M1AP: variants seen among roughly 807,000 people sequenced by gnomAD.
The protein encoded by M1AP is meiosis 1 associated protein, also known as meiosis 1 arrest protein.
In M1AP, 39 loss-of-function variants were observed where a neutral mutation model predicts 51.2. The observed-to-expected ratio is 0.76, with a 90% CI of 0.59 to 1.00. M1AP has a LOEUF of 1.00. Among genes scored for constraint, M1AP ranks in the 50% least tolerant of loss-of-function variants. The probability of loss-of-function intolerance (pLI) is 0.00; values close to 1 mark genes in which losing one functional copy is unlikely to be tolerated. For synonymous variants in M1AP, 251 were observed against 249.2 expected, an observed-to-expected ratio of 1.01 and a Z score of -0.07; for missense variants, 545 against 641.2, an observed-to-expected ratio of 0.85 and a Z score of 1.62.
intron 4 of M1AP, among the ~76,000 whole-genome samples, chr2:74,587,835 T>C (rs1214166438): frequency 6.6e-6 from 1 of 152,206 alleles, no homozygotes; most frequent in African/African-American, 2.4e-5. Flanking sequence ...AGCATTCACA[T>C]TGTTTTTGAA....
intron 4 of M1AP, among the ~76,000 whole-genome samples, chr2:74,585,415 G>A (rs188272856): frequency 6.6e-6 from 1 of 152,252 alleles, no homozygotes; most frequent in East Asian, 1.9e-4. Context: ...TGTTTTGCTG[G>A]CAAAATTAAC....
intron 7 of M1AP, among the ~76,000 whole-genome samples, chr2:74,565,968 T>C (rs370629167): frequency 1.4e-4 from 22 of 151,944 alleles, no homozygotes; most frequent in South Asian, 6.2e-4. Flanking sequence ...TATAAAAAAA[T>C]CCACAGCTAA....
chr2:74,647,341 G>A lies in M1AP; in HGVS notation c.-53+924C>T, dbSNP rs1183741893. The A allele has an allele frequency of 5.1e-6, 5 of 985,232 alleles. No individual in the cohort carries two copies. The African/African-American group carries it at 7.0e-5, about 14-fold the overall frequency. 61.0% of individuals were successfully genotyped at this position (985,232 alleles called of 1,614,324 possible). A position where few individuals can be genotyped will look rare whatever the true frequency, so the allele number is the denominator to read the frequency against. ...GTTCTGTTCCGTGCTGAGCATTCTA[G>A]GTTAGGGCCCCTTTACAAGCCCTCA... On this transcript the variant is annotated intron_variant, in intron 1 of 10. Transcript: ENST00000421985.
chr2:74,616,717 A>G (rs1380189833), intron 2 of M1AP, among the ~76,000 whole-genome samples: 2 of 152,220 alleles, frequency 1.3e-5, no homozygotes, highest in Admixed American at 6.5e-5. Flanking sequence ...TTCATATACA[A>G]TTTATTAAAA....
intron 2 of M1AP, among the ~76,000 whole-genome samples, chr2:74,634,885 A>G (rs1021054642): frequency 2.6e-5 from 4 of 152,016 alleles, no homozygotes; most frequent in African/African-American, 9.7e-5. Flanking sequence ...GCTGAATTCT[A>G]TTTTTTAATA....
At position 74,640,174 on chromosome 2, in the gene M1AP, C is replaced by T; in HGVS notation, c.102G>A (p.Trp34Ter). ...LLIVHIALPSWADICTNLCEA... is the reference protein window; with the variant it reads ...LLIVHIALPS ...CACAGAGGTTGGTGCAGATGTCAGC[C>T]CAGGACGGTAGAGCAATGTGCACAA... Residue 34 changes from tryptophan to a stop codon, truncating the protein, a stop_gained, in exon 2 of 11, where the codon TGG becomes TGA. Transcript: ENST00000421985. LOFTEE classifies it high-confidence loss of function. 4 of 1,614,076 alleles carry T rather than the reference C, an allele frequency of 2.5e-6. No homozygotes were observed. Among genetic ancestry groups the T allele is most frequent in the Non-Finnish European group, 3.4e-6 (4 of 1,180,020 alleles).
At chr2:74,632,938 T>G (rs943717743) in intron 2 of M1AP, among the ~76,000 whole-genome samples, 1 of 152,086 alleles carries the variant, frequency 6.6e-6, no homozygotes, top group East Asian at 1.9e-4. Flanking sequence ...AAAAAATCCT[T>G]TTACCCTTGT....
chr2:74,581,648 C>T, intron 5 of M1AP, 26 bp downstream of exon 5: 3 of 1,605,052 alleles, frequency 1.9e-6, no homozygotes, highest in African/African-American at 1.3e-5. Flanking sequence ...TAATCATAGC[C>T]TAAATATCTT....
intron 4 of M1AP, among the ~76,000 whole-genome samples, chr2:74,604,556 G>A (rs1680859238): frequency 6.6e-6 from 1 of 152,150 alleles, no homozygotes; most frequent in African/African-American, 2.4e-5. Context: ...GACAGGAGGT[G>A]GAGCTCAGGC....
chr2:74,638,493 T>C (rs920071363), intron 2 of M1AP, among the ~76,000 whole-genome samples: 1 of 152,192 alleles, frequency 6.6e-6, no homozygotes. Context: ...TTGCTTCCAA[T>C]GAACAGAATG....
At chr2:74,597,053 C>T (rs992228661) in intron 4 of M1AP, among the ~76,000 whole-genome samples, 1 of 152,062 alleles carries the variant, frequency 6.6e-6, no homozygotes, top group Non-Finnish European at 1.5e-5. Flanking sequence ...GCATATACAT[C>T]GGTCAAAATT....
At chr2:74,614,189 T>C (rs1681530185) in intron 3 of M1AP, among the ~76,000 whole-genome samples, 1 of 152,216 alleles carries the variant, frequency 6.6e-6, no homozygotes, top group Non-Finnish European at 1.5e-5. Flanking sequence ...TTCCAGTATG[T>C]TGTGATTCTC....
chr2:74,623,664 T>C (rs1000536340), intron 2 of M1AP, among the ~76,000 whole-genome samples: 5 of 152,220 alleles, frequency 3.3e-5, no homozygotes, highest in Non-Finnish European at 5.9e-5. Flanking sequence ...TTATGTTTTA[T>C]TTAATTAAAC....
rs188332674 is a variant in M1AP at position 74,564,294 on chromosome 2, C to T, written c.1075-1871G>A. ...AGCAGTGTCATCATTCTGTGCAGTG[C>T]GGAGCTCTGAGGAGGTCTGGTAGGC... On this transcript the variant is annotated intron_variant, in intron 7 of 10. Coordinates refer to ENST00000421985, the MANE Select transcript of M1AP (RefSeq NM_001321739.2). 1.0e-3 allele frequency among the ~76,000 whole-genome samples: 155 copies of T among 152,200 alleles called. 2 individuals carry two copies. Among genetic ancestry groups the T allele is most frequent in the African/African-American group, 3.6e-3 (148 of 41,520 alleles).
At chr2:74,575,326 C>T (rs1678992652) in intron 7 of M1AP, 112 bp downstream of exon 7, 1 of 1,523,888 alleles carries the variant, frequency 6.6e-7, no homozygotes, top group South Asian at 1.3e-5. Flanking sequence ...TTTTTTCTGT[C>T]TTCTTGAGGG....
intron 7 of M1AP, among the ~76,000 whole-genome samples, chr2:74,572,446 G>A (rs151188585): frequency 1.3e-5 from 2 of 152,146 alleles, no homozygotes; most frequent in Non-Finnish European, 1.5e-5. Context: ...TCAGACTCCC[G>A]AGTAGCTGGG....
chr2:74,610,255 T>C (rs1681257008), intron 3 of M1AP, among the ~76,000 whole-genome samples: 1 of 152,134 alleles, frequency 6.6e-6, no homozygotes, highest in Admixed American at 6.5e-5. Flanking sequence ...GTGATCCTGC[T>C]GCCTTGGCCT....
chr2:74,626,936 C>T lies in M1AP; in HGVS notation c.241-11787G>A, dbSNP rs966787721. On this transcript the variant is annotated intron_variant, in intron 2 of 10. Transcript: ENST00000421985. ...GTTTAATATCTGATAGGAATAGTCC[C>T]TGGATATTCTTTCTTTTAAAATTTG... Among the ~76,000 whole-genome samples, 4 of 152,242 alleles carry T rather than the reference C, an allele frequency of 2.6e-5. No homozygotes were observed. The East Asian group carries it at 5.8e-4, about 22-fold the overall frequency.
At chr2:74,633,566 T>C (rs1682817831) in intron 2 of M1AP, among the ~76,000 whole-genome samples, 1 of 152,128 alleles carries the variant, frequency 6.6e-6, no homozygotes, top group Admixed American at 6.5e-5. Flanking sequence ...ATATTCCCAC[T>C]TGCTTGTGCC....
Sources: gnomAD v4.1 joint callset for allele counts (sites outside exome capture counted in the v4.1 genomes callset) on GRCh38, gnomAD v4.1.1 for gene constraint, MANE v1.5 for transcripts, NCBI Gene and HGNC (gene_info 2026-07-23, HGNC 2026-07-21) for gene names.